Variants in ZSCAN25 observed in about 807,000 individuals in gnomAD.
ZSCAN25 encodes zinc finger and SCAN domain-containing protein 25.
In ZSCAN25, 27 loss-of-function variants were observed where a neutral mutation model predicts 38.7. The observed-to-expected ratio is 0.70, with a 90% CI of 0.51 to 0.96. The LOEUF (loss-of-function observed/expected upper bound fraction) is 0.96. ZSCAN25 is among the 40% of genes least tolerant of loss of function. ZSCAN25 has a pLI of 0.00. For synonymous variants in ZSCAN25, 273 were observed against 277.7 expected (o/e 0.98, Z 0.17); for missense variants, 637 against 705.9 (o/e 0.90, Z 1.11).
At position 99,624,127 on chromosome 7, in the gene ZSCAN25, A is replaced by C; in HGVS notation, c.752A>C (p.Gln251Pro). Residue 251 changes from glutamine to proline, a missense_variant, in exon 7 of 8, where the codon CAG (glutamine) becomes CCG (proline). Transcript: ENST00000394152. ...EEEWRHVTPA[Q>P]IDCFGEYVEP... ...GAGTGGAGGCATGTGACCCCAGCCC[A>C]GATAGACTGCTTTGGGGAGTATGTG... 3 of 1,614,112 alleles carry C rather than the reference A, an allele frequency of 1.9e-6. No homozygotes were observed. The South Asian group carries it at 3.3e-5, about 18-fold the overall frequency.
At chr7:99,692,726 AC>A in the ZSCAN25 span, among the ~76,000 whole-genome samples, 3 of 152,056 alleles carry the variant, frequency 2.0e-5, no homozygotes, top group East Asian at 3.9e-4. Flanking sequence ...AAGTTCTTGT[AC>A]CATGGTTTTG....
chr7:99,686,285 G>C, the ZSCAN25 span, among the ~76,000 whole-genome samples: 1 of 152,316 alleles, frequency 6.6e-6, no homozygotes, highest in East Asian at 1.9e-4. Flanking sequence ...ACAGCACCTG[G>C]AAAATCAGGT....
chr7:99,623,787 G>T (rs1317566035), intron 6 of ZSCAN25, among the ~76,000 whole-genome samples: 1 of 152,212 alleles, frequency 6.6e-6, no homozygotes, highest in Non-Finnish European at 1.5e-5. Context: ...CTTTGTTCTT[G>T]ATGAGAAGGT....
chr7:99,710,999 T>G, the ZSCAN25 span: 2 of 1,573,612 alleles, frequency 1.3e-6, no homozygotes, highest in African/African-American at 2.7e-5. Flanking sequence ...GGGGAAAAAA[T>G]AGAAAAGCAA....
intron 2 of ZSCAN25, among the ~76,000 whole-genome samples, 174 bp downstream of exon 2, chr7:99,618,825 C>T (rs1196902164): frequency 3.3e-5 from 5 of 152,198 alleles, no homozygotes; most frequent in African/African-American, 1.2e-4. Flanking sequence ...TCTGCCACCT[C>T]TTCTGGTGCA....
At chr7:99,627,197 G>A (rs1584362365) in intron 7 of ZSCAN25, among the ~76,000 whole-genome samples, 1 of 152,152 alleles carries the variant, frequency 6.6e-6, no homozygotes, top group Non-Finnish European at 1.5e-5. Flanking sequence ...AAATACTTCA[G>A]CATTTGTCTA....
At chr7:99,723,887 T>C in the ZSCAN25 span, among the ~76,000 whole-genome samples, 1 of 152,216 alleles carries the variant, frequency 6.6e-6, no homozygotes, top group Non-Finnish European at 1.5e-5. Flanking sequence ...CAGTCTTCCC[T>C]TGGTGTCTAA....
chr7:99,703,106 C>A, the ZSCAN25 span, among the ~76,000 whole-genome samples: 6 of 152,198 alleles, frequency 3.9e-5, no homozygotes, highest in Non-Finnish European at 5.9e-5. Context: ...CCTGCAACTG[C>A]AACTTTACTG....
chr7:99,715,554 GT>G, the ZSCAN25 span: 1 of 866,958 alleles, frequency 1.2e-6, no homozygotes, highest in Non-Finnish European at 1.7e-6. Flanking sequence ...CTGGCAGGGG[GT>G]TGATAGCTAA....
the ZSCAN25 span, among the ~76,000 whole-genome samples, chr7:99,690,845 T>G: frequency 1.4e-4 from 22 of 152,234 alleles, no homozygotes; most frequent in African/African-American, 2.9e-4. Flanking sequence ...ACTGTTGGTG[T>G]GACTGTAAAC....
At chr7:99,719,017 G>A in the ZSCAN25 span, among the ~76,000 whole-genome samples, 12 of 152,170 alleles carry the variant, frequency 7.9e-5, no homozygotes, top group African/African-American at 2.9e-4. Context: ...TAAGGAAATG[G>A]AGAGGCATAC....
At chr7:99,671,718 ATAT>A in the ZSCAN25 span, 2 of 661,552 alleles carry the variant, frequency 3.0e-6, no homozygotes, top group African/African-American at 1.8e-5. Context: ...ATAAAAGGAA[ATAT>A]TAATACATTG....
the ZSCAN25 span, among the ~76,000 whole-genome samples, chr7:99,683,720 T>C: frequency 6.6e-6 from 1 of 152,132 alleles, no homozygotes; most frequent in African/African-American, 2.4e-5. Context: ...CGACATTTTC[T>C]CTGCTTGCTT....
the ZSCAN25 span, chr7:99,664,220 C>T: frequency 1.1e-6 from 1 of 877,434 alleles, no homozygotes; most frequent in Admixed American, 2.7e-5. Flanking sequence ...GAACCCATTC[C>T]TTTTATCATG....
the ZSCAN25 span, among the ~76,000 whole-genome samples, chr7:99,651,582 C>T: frequency 2.6e-5 from 4 of 152,182 alleles, no homozygotes; most frequent in Admixed American, 1.3e-4. Flanking sequence ...CATGCTAGCA[C>T]TAGGGACACC....
chr7:99,729,401 G>A, the ZSCAN25 span, among the ~76,000 whole-genome samples: 1 of 152,024 alleles, frequency 6.6e-6, no homozygotes, highest in South Asian at 2.1e-4. Flanking sequence ...AAGCAGCCCT[G>A]AGAAACATCA....
rs369440980 is a variant in ZSCAN25, at chr7:99,629,717, G to A, written c.1332G>A (p.Gln444=). The A allele has an allele frequency of 8.7e-6, 14 of 1,614,050 alleles. No individual in the cohort carries two copies. Among genetic ancestry groups the A allele is most frequent in the Admixed American group, 1.7e-5 (1 of 60,010 alleles). The change falls in exon 8 of 8, where the codon CAG becomes CAA. Residue 444 remains glutamine, a synonymous_variant. Transcript: ENST00000394152. The surrounding 1 kb of genome is among the most constrained non-coding windows in gnomAD (Gnocchi z 5.6). The part of the protein sequence containing the change: ...GDCWKSFSRR[Q]HLQVHRRTHT... ...GCTGGAAGAGCTTCAGCCGCAGGCA[G>A]CACCTGCAGGTGCACCGGAGGACGC...
the ZSCAN25 span, chr7:99,735,122 C>G: frequency 6.2e-7 from 1 of 1,613,608 alleles, no homozygotes. Context: ...TCTCTCTCCT[C>G]TGAGTCTTTT....
At chr7:99,643,397 A>C in the ZSCAN25 span, among the ~76,000 whole-genome samples, 1 of 152,114 alleles carries the variant, frequency 6.6e-6, no homozygotes, top group Non-Finnish European at 1.5e-5. Context: ...GGTTAGGTGA[A>C]GGTCTTTCAT....
Sources: gnomAD v4.1 joint callset for allele counts (sites outside exome capture counted in the v4.1 genomes callset) on GRCh38, gnomAD v4.1.1 for gene constraint, Gnocchi (gnomAD v3.1) non-coding constraint, MANE v1.5 for transcripts, NCBI Gene and HGNC (gene_info 2026-07-23, HGNC 2026-07-21) for gene names.